The following CNTNAP5 variants were observed in gnomAD, a reference collection of about 807,000 sequenced individuals.
CNTNAP5 encodes the protein contactin associated protein family member 5.
CNTNAP5 carries 72 observed loss-of-function variants against 150.2 expected under a neutral mutation model. The observed-to-expected ratio is 0.48, with a 90% CI of 0.40 to 0.58. CNTNAP5 has a LOEUF of 0.58. Among genes scored for constraint, CNTNAP5 ranks in the 20% least tolerant of loss-of-function variants. CNTNAP5 has a pLI of 0.00. For synonymous variants in CNTNAP5, 672 were observed against 619.8 expected, an observed-to-expected ratio of 1.08 and a Z score of -1.25; for missense variants, 1,636 against 1,626.2, an observed-to-expected ratio of 1.01 and a Z score of -0.10.
intron 3 of CNTNAP5, among the ~76,000 whole-genome samples, chr2:124,321,851 T>A (rs1004945267): frequency 2.6e-5 from 4 of 152,180 alleles, no homozygotes; most frequent in Non-Finnish European, 5.9e-5. Flanking sequence ...TAAATTTAAA[T>A]TTAAAATGCT....
intron 22 of CNTNAP5, among the ~76,000 whole-genome samples, chr2:124,909,956 C>T (rs890777871): frequency 1.3e-5 from 2 of 149,482 alleles, no homozygotes; most frequent in Admixed American, 6.7e-5. Context: ...TCCACCAGAC[C>T]CACCTTATCA....
intron 11 of CNTNAP5, among the ~76,000 whole-genome samples, chr2:124,570,468 G>A (rs1696126564): frequency 6.6e-6 from 1 of 152,158 alleles, no homozygotes; most frequent in Non-Finnish European, 1.5e-5. Context: ...GGAAGGAGAT[G>A]CAGGAAATGC....
chr2:124,413,846 CA>C (rs1474885049), intron 3 of CNTNAP5, among the ~76,000 whole-genome samples: 1 of 143,046 alleles, frequency 7.0e-6, no homozygotes, highest in Non-Finnish European at 1.5e-5. Flanking sequence ...CTAACCTGCA[CA>C]ATGTGCACAT....
At chr2:124,778,283 C>G (rs1681371131) in intron 17 of CNTNAP5, among the ~76,000 whole-genome samples, 1 of 152,114 alleles carries the variant, frequency 6.6e-6, no homozygotes, top group Non-Finnish European at 1.5e-5. Context: ...TGAGTCTGCC[C>G]AGAGGAAGCA....
At chr2:124,707,140 G>GGAA (rs76714465) in intron 13 of CNTNAP5, among the ~76,000 whole-genome samples, 3,471 of 86,382 alleles carry the variant, frequency 0.04, 246 homozygotes, top group African/African-American at 0.082. Flanking sequence ...AAGAAGAAGA[G>GGAA]GAAGAAGAAG....
intron 10 of CNTNAP5, among the ~76,000 whole-genome samples, chr2:124,560,771 G>A (rs1052715215): frequency 1.6e-4 from 24 of 152,058 alleles, no homozygotes; most frequent in African/African-American, 5.3e-4. Context: ...AGCAGGGACC[G>A]ACCACACAGT....
intron 17 of CNTNAP5, among the ~76,000 whole-genome samples, chr2:124,778,873 C>G (rs1681384295): frequency 6.6e-6 from 1 of 151,784 alleles, no homozygotes; most frequent in Non-Finnish European, 1.5e-5. Context: ...TTCTTCTGAA[C>G]CTGGAAGAAA....
intron 3 of CNTNAP5, among the ~76,000 whole-genome samples, chr2:124,319,453 G>C (rs1305158545): frequency 1.3e-5 from 2 of 152,156 alleles, no homozygotes; most frequent in Non-Finnish European, 2.9e-5. Context: ...TGGCACAGTT[G>C]AAAATAAGTA....
chr2:124,849,046 T>C (rs754913825), intron 19 of CNTNAP5, among the ~76,000 whole-genome samples: 10 of 152,174 alleles, frequency 6.6e-5, no homozygotes, highest in Non-Finnish European at 1.0e-4. Context: ...TGGTGTCATA[T>C]AAAGAACAAA....
At chr2:124,903,278 T>C (rs1464656963) in intron 22 of CNTNAP5, among the ~76,000 whole-genome samples, 178 bp downstream of exon 22, 1 of 152,212 alleles carries the variant, frequency 6.6e-6, no homozygotes, top group Non-Finnish European at 1.5e-5. Context: ...TTTGATGTAG[T>C]TTTATTTTTA....
intron 3 of CNTNAP5, among the ~76,000 whole-genome samples, chr2:124,367,513 A>C (rs1467219511): frequency 6.6e-6 from 1 of 152,094 alleles, no homozygotes; most frequent in Non-Finnish European, 1.5e-5. Context: ...CCCATGACAC[A>C]TGGGATTATG....
chr2:124,914,221 GTT>G lies in CNTNAP5; in HGVS notation c.3858_3859del (p.Ser1287LeufsTer4). The G allele has an allele frequency of 6.2e-7, 1 of 1,612,576 alleles. No homozygotes were observed. Among genetic ancestry groups the G allele is most frequent in the Non-Finnish European group, 8.5e-7 (1 of 1,178,990 alleles). On this transcript the variant is annotated frameshift_variant, in exon 24 of 24. Coordinates refer to ENST00000682447, the MANE Select transcript of CNTNAP5 (RefSeq NM_001367498.1). LOFTEE classifies it high-confidence loss of function. ...AAGGAATATCCAGAAAATTTGGACAGTTCCTTCAGAAATGAAATTGACTTGCA... is the reference window on the plus strand; with the variant it reads ...AAGGAATATCCAGAAAATTTGGACAGCCTTCAGAAATGAAATTGACTTGCA...
intron 19 of CNTNAP5, among the ~76,000 whole-genome samples, chr2:124,853,826 A>G (rs1677284579): frequency 6.6e-6 from 1 of 152,088 alleles, no homozygotes; most frequent in Admixed American, 6.5e-5. Context: ...ATCCTCACGT[A>G]GGCCCTGGCA....
intron 18 of CNTNAP5, among the ~76,000 whole-genome samples, chr2:124,790,601 G>A (rs1254928694): frequency 2.0e-5 from 3 of 152,158 alleles, no homozygotes; most frequent in African/African-American, 7.2e-5. Context: ...CCGTGTATTT[G>A]GTGAAATCTC....
chr2:124,524,587 T>G lies in CNTNAP5; in HGVS notation c.1477+135T>G, dbSNP rs149203376. ...ACACAAACACACACACACATGCACA[T>G]ACACACACACCCTCAATCTCAAAAT... On this transcript the variant is annotated intron_variant, in intron 9 of 23. Transcript: ENST00000682447. The G allele has an allele frequency of 6.0e-4, 462 of 770,410 alleles. 3 individuals are homozygous for G. Among genetic ancestry groups the G allele is most frequent in the African/African-American group, 5.1e-3 (291 of 57,186 alleles). 47.7% of individuals were successfully genotyped at this position (770,410 alleles called of 1,614,324 possible). A position where few individuals can be genotyped will look rare whatever the true frequency, so the allele number is the denominator to read the frequency against.
intron 13 of CNTNAP5, among the ~76,000 whole-genome samples, chr2:124,651,752 G>A (rs1362181770): frequency 6.6e-6 from 1 of 152,220 alleles, no homozygotes; most frequent in Non-Finnish European, 1.5e-5. Context: ...AGCGCACCAA[G>A]CACTGTCTCT....
chr2:124,778,735 G>T (rs1315054274), intron 17 of CNTNAP5: 1 of 152,076 alleles, frequency 6.6e-6, no homozygotes, highest in East Asian at 1.9e-4. Flanking sequence ...CTACCTAGGC[G>T]TGTTGTAAAG....
chr2:124,820,537 G>GC (rs1465844765), intron 19 of CNTNAP5, among the ~76,000 whole-genome samples: 3 of 110,136 alleles, frequency 2.7e-5, no homozygotes, highest in African/African-American at 6.3e-5. Flanking sequence ...ACAAAGGAAA[G>GC]GGGGGGGAGA....
intron 11 of CNTNAP5, among the ~76,000 whole-genome samples, chr2:124,606,710 C>T (rs1041887923): frequency 2.0e-5 from 3 of 152,058 alleles, no homozygotes; most frequent in African/African-American, 2.4e-5. Flanking sequence ...AAGTGGATGG[C>T]GGCAGGCAAA....
Sources: gnomAD v4.1 joint callset for allele counts (sites outside exome capture counted in the v4.1 genomes callset) on GRCh38, gnomAD v4.1.1 for gene constraint, MANE v1.5 for transcripts, NCBI Gene and HGNC (gene_info 2026-07-23, HGNC 2026-07-21) for gene names.